EP400: variants seen among roughly 807,000 people sequenced by gnomAD.
EP400 encodes E1A-binding protein p400.
EP400 carries 105 observed loss-of-function variants against 354.1 expected under a neutral mutation model. The observed-to-expected ratio is 0.30, with a 90% CI of 0.25 to 0.35. The LOEUF is 0.35. Ranked by LOEUF, EP400 falls within the 10% of genes least tolerant of loss-of-function variation. The pLI, the probability that EP400 is intolerant of heterozygous loss-of-function variation, is 1.00. For synonymous variants in EP400, 1,646 were observed against 1,716.9 expected, an observed-to-expected ratio of 0.96 and a Z score of 1.02; for missense variants, 3,280 against 4,121.0, an observed-to-expected ratio of 0.80 and a Z score of 5.59.
chr12:132,004,962 T>C, intron 12 of EP400, 115 bp from the exon 13 acceptor site: 2 of 755,618 alleles, frequency 2.6e-6, no homozygotes, highest in Non-Finnish European at 4.7e-6. Context: ...GGAATACATG[T>C]GAGAGGGAGC....
intron 51 of EP400, among the ~76,000 whole-genome samples, chr12:132,073,036 G>A (rs1051796096): frequency 1.3e-5 from 2 of 152,054 alleles, no homozygotes; most frequent in Admixed American, 6.6e-5. Context: ...TGAGCAGCTC[G>A]CGGGCAGGTC....
rs557977200 is a variant in EP400, at chr12:132,025,140, G to A, written c.4856-506G>A. 2.6e-5 allele frequency among the ~76,000 whole-genome samples: 4 copies of A among 152,102 alleles called. No homozygotes were observed. Among genetic ancestry groups the A allele is most frequent in the Admixed American group, 2.0e-4 (3 of 15,290 alleles). On this transcript the variant is annotated intron_variant, in intron 24 of 52. Transcript: ENST00000389561. The surrounding 1 kb of genome is among the most constrained non-coding windows in gnomAD (Gnocchi z 4.1). ...TCGCTTGGTAACATCTCTGATGGCC[G>A]CCGGTTTATTCATAGAGATGACCTG... is the stretch of plus-strand genomic sequence containing the variant.
intron 12 of EP400, among the ~76,000 whole-genome samples, chr12:132,001,626 G>A (rs1027204820): frequency 5.9e-5 from 9 of 152,180 alleles, no homozygotes; most frequent in African/African-American, 1.7e-4. Flanking sequence ...TCCCTTTCCC[G>A]GTCCGCTAAG....
intron 2 of EP400, among the ~76,000 whole-genome samples, chr12:131,976,985 A>C (rs1305037421): frequency 6.6e-6 from 1 of 152,174 alleles, no homozygotes; most frequent in East Asian, 1.9e-4. Flanking sequence ...GGCTGCCCTC[A>C]TGCCAAATGC....
In EP400 at chr12:132,052,787, A is replaced by T. The variant is rs1895344993; in HGVS notation, c.7395-359A>T. Reference sequence around the variant, plus strand: ...CCGCCCTCCCTTTACCTCCCTGGAGAGGAACTCGAGGGCATCCTCACAGAA... The same window carrying T: ...CCGCCCTCCCTTTACCTCCCTGGAGTGGAACTCGAGGGCATCCTCACAGAA... On this transcript the variant is annotated intron_variant, in intron 41 of 52. Transcript: ENST00000389561. This position sits in a 1 kb window ranked among gnomAD's most constrained non-coding sequence, Gnocchi z 4.4. 6.6e-6 allele frequency among the ~76,000 whole-genome samples: 1 copy of T among 152,050 alleles called. No individual in the cohort carries two copies. Among genetic ancestry groups the T allele is most frequent in the Non-Finnish European group, 1.5e-5 (1 of 68,012 alleles).
intron 51 of EP400, among the ~76,000 whole-genome samples, chr12:132,073,919 G>T (rs1319110827): frequency 1.1e-3 from 92 of 82,080 alleles, no homozygotes; most frequent in South Asian, 4.4e-3. Context: ...GTTTTTTGGG[G>T]TTTTTTTTTT....
chr12:132,054,921 A>T lies in EP400; in HGVS notation c.7729-53A>T. On this transcript the variant is annotated intron_variant, in intron 43 of 52. Coordinates refer to ENST00000389561, the MANE Select transcript of EP400 (RefSeq NM_015409.5). The surrounding 1 kb of genome is among the most constrained non-coding windows in gnomAD (Gnocchi z 4.0). ...TGAAGTGGAAGCCTTTGGAGGATTT[A>T]TGCAGGGGAGAGCCTGACGTGAAAT... The T allele has an allele frequency of 1.3e-6, 2 of 1,571,274 alleles. No homozygotes were observed. The highest frequency in any genetic ancestry group is 1.1e-5 in the South Asian group (1 of 89,880).
chr12:132,046,175 A>G (rs1895091729), intron 39 of EP400, among the ~76,000 whole-genome samples: 1 of 152,200 alleles, frequency 6.6e-6, no homozygotes, highest in Non-Finnish European at 1.5e-5. Flanking sequence ...CTGATGTTTT[A>G]TCTGATACCA....
In EP400 at chr12:131,994,130, G is replaced by A. The variant is rs1307569991; in HGVS notation, c.2738-737G>A. ...GAAAGGCAGCACCTGGAGGCCCAGC[G>A]ACTTGTGTGGTTGGGGTCAGGTGCC... On this transcript the variant is annotated intron_variant, in intron 11 of 52. Coordinates refer to ENST00000389561, the MANE Select transcript of EP400 (RefSeq NM_015409.5). This position sits in a 1 kb window ranked among gnomAD's most constrained non-coding sequence, Gnocchi z 4.6. 1.3e-5 allele frequency among the ~76,000 whole-genome samples: 2 copies of A among 152,120 alleles called. No homozygotes were observed. The highest frequency in any genetic ancestry group is 2.9e-5 in the Non-Finnish European group (2 of 68,016).
chr12:131,988,230 G>A (rs1415556232), intron 7 of EP400, among the ~76,000 whole-genome samples: 1 of 152,104 alleles, frequency 6.6e-6, no homozygotes, highest in Non-Finnish European at 1.5e-5. Context: ...CTGTTGTTTG[G>A]AGAATAACTG....
Position 131,979,939 on chromosome 12 carries a change from G to A in EP400, c.1435+146G>A, listed in dbSNP as rs1235667309. 4 of 574,930 alleles carry A rather than the reference G, an allele frequency of 7.0e-6. No individual in the cohort carries two copies. In the Admixed American group the frequency reaches 1.6e-4, roughly 22 times the overall value. 35.6% of individuals were successfully genotyped at this position (574,930 alleles called of 1,614,324 possible). ...TTAACCTGTCTTACAGTGATTATCA[G>A]CTGAACAATATTTACGTGAATTTTT... is the stretch of plus-strand genomic sequence containing the variant. On this transcript the variant is annotated intron_variant, in intron 3 of 52. Coordinates refer to ENST00000389561, the MANE Select transcript of EP400 (RefSeq NM_015409.5).
intron 32 of EP400, among the ~76,000 whole-genome samples, chr12:132,039,777 G>T (rs925855169): frequency 2.6e-5 from 4 of 152,216 alleles, no homozygotes; most frequent in Non-Finnish European, 5.9e-5. Flanking sequence ...GGTGGCTCAG[G>T]CCTGTAATCC....
intron 5 of EP400, among the ~76,000 whole-genome samples, chr12:131,983,405 C>G (rs1490723588): frequency 6.6e-6 from 1 of 152,184 alleles, no homozygotes; most frequent in African/African-American, 2.4e-5. Context: ...GTTAAAATGC[C>G]CCTCCTCCTC....
chr12:131,982,432 C>A lies in EP400; in HGVS notation c.1883C>A (p.Pro628His), dbSNP rs143247158. Reference sequence around the variant, plus strand: ...CAGCTGGCCCTCCACGTTCCCACACCTGGAAAGGTGCAGGTGCAGGCCTCT... The same window carrying A: ...CAGCTGGCCCTCCACGTTCCCACACATGGAAAGGTGCAGGTGCAGGCCTCT... Reference protein sequence around the residue: ...PAQLALHVPTPGKVQVQASQL... With the variant: ...PAQLALHVPTHGKVQVQASQL... Residue 628 changes from proline to histidine, a missense_variant, in exon 5 of 53, where the codon CCT (proline) becomes CAT (histidine). By Grantham distance (77) the Pro-to-His change is moderately conservative (BLOSUM62 -2). Coordinates refer to ENST00000389561, the MANE Select transcript of EP400 (RefSeq NM_015409.5). The A allele has an allele frequency of 6.2e-7, 1 of 1,614,026 alleles. No homozygotes were observed. The highest frequency in any genetic ancestry group is 1.1e-5 in the South Asian group (1 of 91,076).
rs996875834 is a variant in EP400, at chr12:132,054,036, A to G, written c.7728+439A>G. Among the ~76,000 whole-genome samples the G allele has an allele frequency of 1.3e-5, 2 of 152,232 alleles. No homozygotes were observed. Among genetic ancestry groups the G allele is most frequent in the African/African-American group, 4.8e-5 (2 of 41,460 alleles). On this transcript the variant is annotated intron_variant, in intron 43 of 52. Transcript: ENST00000389561. The surrounding 1 kb of genome is among the most constrained non-coding windows in gnomAD (Gnocchi z 4.0). ...CAGGTCAGTCTTTAATGCCTGTTGT[A>G]GAAAAGCTGTAAAGCACACAAGAAG...
rs947146841 is a variant in EP400 at position 132,033,245 on chromosome 12, G to A, written c.5951+1096G>A. ...TTATAGGTGTGAGCCACCGCGCCTG[G>A]CCTATTATTATCTGTAAAGATAAAA... is the stretch of plus-strand genomic sequence containing the variant. On this transcript the variant is annotated intron_variant, in intron 30 of 52. Coordinates refer to ENST00000389561, the MANE Select transcript of EP400 (RefSeq NM_015409.5). Among the ~76,000 whole-genome samples, 3 of 152,152 alleles carry A rather than the reference G, an allele frequency of 2.0e-5. No individual in the cohort carries two copies. In the East Asian group the frequency reaches 5.8e-4, roughly 29 times the overall value.
At chr12:131,991,289 AC>A (rs1893025593) in intron 9 of EP400, 117 bp from the exon 10 acceptor site, 2 of 929,484 alleles carry the variant, frequency 2.2e-6, no homozygotes, top group South Asian at 1.4e-5. Flanking sequence ...GGCAGAACTC[AC>A]GCGTCCTTCC....
intron 1 of EP400, 95 bp downstream of exon 1, chr12:131,950,131 A>C (rs1285497403): frequency 6.6e-6 from 1 of 151,782 alleles, no homozygotes; most frequent in African/African-American, 2.4e-5. Context: ...GCGGGCGTAC[A>C]GGGCCCGCTC....
chr12:132,026,870 T>G (rs1353359424), intron 25 of EP400, among the ~76,000 whole-genome samples: 1 of 152,218 alleles, frequency 6.6e-6, no homozygotes, highest in East Asian at 1.9e-4. Flanking sequence ...TGTAGGAAAG[T>G]CTGCCGCACT....
Sources: gnomAD v4.1 joint callset for allele counts (sites outside exome capture counted in the v4.1 genomes callset) on GRCh38, gnomAD v4.1.1 for gene constraint, Gnocchi (gnomAD v3.1) non-coding constraint, MANE v1.5 for transcripts, NCBI Gene and HGNC (gene_info 2026-07-23, HGNC 2026-07-21) for gene names.